RIMBP2: variants seen among roughly 807,000 people sequenced by gnomAD.
The protein encoded by RIMBP2 is RIMS binding protein 2.
Under a neutral mutation model 118.6 loss-of-function variants are expected in RIMBP2, and 48 were observed. The observed-to-expected ratio is 0.40, with a 90% CI of 0.32 to 0.51. RIMBP2 has a LOEUF of 0.51. Ranked by LOEUF, RIMBP2 falls within the 20% of genes least tolerant of loss-of-function variation. The pLI is 0.41. For synonymous variants in RIMBP2, 762 were observed against 742.9 expected (o/e 1.03, Z -0.42); for missense variants, 1,551 against 1,768.3 (o/e 0.88, Z 2.20).
At chr12:130,697,667 G>A (rs2065638741) in intron 1 of RIMBP2, among the ~76,000 whole-genome samples, 1 of 151,712 alleles carries the variant, frequency 6.6e-6, no homozygotes, top group Non-Finnish European at 1.5e-5. Context: ...GAACACAGAA[G>A]GGAAATTAGC....
At chr12:130,532,609 A>C (rs1164980132) in intron 2 of RIMBP2, among the ~76,000 whole-genome samples, 1 of 144,646 alleles carries the variant, frequency 6.9e-6, no homozygotes, top group Admixed American at 6.9e-5. Context: ...GTCTAATGAG[A>C]TGCGTATGCT....
At chr12:130,409,745 T>A (rs1419179634) in intron 19 of RIMBP2, among the ~76,000 whole-genome samples, 3 of 152,164 alleles carry the variant, frequency 2.0e-5, no homozygotes, top group African/African-American at 7.2e-5. Flanking sequence ...CATTGCTGAG[T>A]AGGCCCCATT....
At chr12:130,605,834 T>G (rs1477648536) in intron 2 of RIMBP2, among the ~76,000 whole-genome samples, 1 of 151,972 alleles carries the variant, frequency 6.6e-6, no homozygotes, top group Non-Finnish European at 1.5e-5. Context: ...GAGGCCGAGG[T>G]GGGCAGATCA....
intron 2 of RIMBP2, among the ~76,000 whole-genome samples, chr12:130,599,549 C>G (rs551141194): frequency 6.6e-6 from 1 of 152,178 alleles, no homozygotes; most frequent in South Asian, 2.1e-4. Flanking sequence ...AAATAAAACT[C>G]AAAATATCAT....
At chr12:130,463,254 C>T (rs994808793) in intron 6 of RIMBP2, among the ~76,000 whole-genome samples, 3 of 152,222 alleles carry the variant, frequency 2.0e-5, no homozygotes, top group Non-Finnish European at 4.4e-5. Context: ...GGTGTCACCC[C>T]GGCTGCAGGG....
chr12:130,454,112 G>T (rs2079220319), intron 7 of RIMBP2, among the ~76,000 whole-genome samples: 1 of 152,148 alleles, frequency 6.6e-6, no homozygotes, highest in Admixed American at 6.6e-5. Context: ...TACAAAGGAG[G>T]CAGATCTTAA....
intron 1 of RIMBP2, among the ~76,000 whole-genome samples, chr12:130,691,446 G>T (rs966808043): frequency 2.0e-5 from 3 of 152,172 alleles, no homozygotes; most frequent in African/African-American, 7.2e-5. Flanking sequence ...GAGGTAGGCA[G>T]ATCACTTGAG....
intron 6 of RIMBP2, among the ~76,000 whole-genome samples, chr12:130,464,638 G>T (rs1385087517): frequency 5.9e-5 from 9 of 152,178 alleles, no homozygotes; most frequent in African/African-American, 2.2e-4. Context: ...AGACCTCCCC[G>T]GTAAGTTGGT....
chr12:130,488,020 C>T (rs2082627995), intron 4 of RIMBP2, among the ~76,000 whole-genome samples: 1 of 152,150 alleles, frequency 6.6e-6, no homozygotes, highest in Admixed American at 6.5e-5. Context: ...TGTGTGCACT[C>T]CACAGGCAAC....
At chr12:130,561,652 G>A (rs573792340) in intron 2 of RIMBP2, among the ~76,000 whole-genome samples, 2 of 152,098 alleles carry the variant, frequency 1.3e-5, no homozygotes, top group African/African-American at 2.4e-5. Context: ...AAACACATGT[G>A]GTCATTTGCG....
chr12:130,607,829 C>G (rs1378252033), intron 2 of RIMBP2, among the ~76,000 whole-genome samples: 1 of 151,916 alleles, frequency 6.6e-6, no homozygotes, highest in East Asian at 1.9e-4. Context: ...ATTTTTACAG[C>G]CGCTTAGGTT....
chr12:130,499,367 C>T (rs745769591), intron 4 of RIMBP2, among the ~76,000 whole-genome samples: 11 of 152,182 alleles, frequency 7.2e-5, no homozygotes, highest in South Asian at 2.1e-4. Flanking sequence ...TCTCCTCTTG[C>T]GTACTACGTC....
At chr12:130,565,242 T>A (rs12305707) in intron 2 of RIMBP2, among the ~76,000 whole-genome samples, 6,641 of 152,220 alleles carry the variant, frequency 0.044, 475 homozygotes, top group African/African-American at 0.15. Flanking sequence ...ATAATTTTTT[T>A]AAAAAATGGA....
intron 1 of RIMBP2, among the ~76,000 whole-genome samples, chr12:130,659,765 G>A (rs959523424): frequency 6.6e-6 from 1 of 151,902 alleles, no homozygotes; most frequent in African/African-American, 2.4e-5. Flanking sequence ...CTGAGGTCAG[G>A]AGTTAGATAC....
intron 2 of RIMBP2, among the ~76,000 whole-genome samples, chr12:130,589,860 A>G (rs962862750): frequency 1.3e-5 from 2 of 152,126 alleles, no homozygotes; most frequent in African/African-American, 4.8e-5. Context: ...TTATCTTCAC[A>G]CTGAAATTAC....
intron 4 of RIMBP2, among the ~76,000 whole-genome samples, chr12:130,499,845 G>A (rs2049568379): frequency 6.6e-6 from 1 of 152,234 alleles, no homozygotes; most frequent in South Asian, 2.1e-4. Context: ...CATGGATTTA[G>A]ATCACTTTTT....
At chr12:130,543,306 T>G (rs998417709) in intron 2 of RIMBP2, among the ~76,000 whole-genome samples, 3 of 152,224 alleles carry the variant, frequency 2.0e-5, no homozygotes, top group African/African-American at 4.8e-5. Flanking sequence ...TTTCATACAC[T>G]GATTAGCCAT....
chr12:130,476,274 G>A (rs924916374), intron 5 of RIMBP2, among the ~76,000 whole-genome samples: 4 of 152,208 alleles, frequency 2.6e-5, no homozygotes, highest in African/African-American at 9.7e-5. Flanking sequence ...TCCCGTGACG[G>A]CAAGTTCAAG....
At chr12:130,457,230 C>G (rs925591998) in intron 6 of RIMBP2, among the ~76,000 whole-genome samples, 1 of 152,210 alleles carries the variant, frequency 6.6e-6, no homozygotes, top group Admixed American at 6.5e-5. Flanking sequence ...GACTGTAGAA[C>G]CCTTAAGAGC....
Sources: allele counts gnomAD v4.1 joint callset (sites outside exome capture counted in the v4.1 genomes callset), GRCh38; gene constraint gnomAD v4.1.1; transcripts MANE v1.5; gene names NCBI Gene and HGNC (gene_info 2026-07-23, HGNC 2026-07-21).